APBA1: variants seen among roughly 807,000 people sequenced by gnomAD.
The protein encoded by APBA1 is amyloid beta precursor protein binding family A member 1.
A neutral mutation model predicts 86.6 loss-of-function variants in APBA1; 55 were observed. That is an observed-to-expected ratio of 0.64 (90% CI 0.51 to 0.80). The LOEUF is 0.80. Ranked by LOEUF, APBA1 falls within the 30% of genes least tolerant of loss-of-function variation. The pLI is 0.00. For synonymous variants in APBA1, 511 were observed against 493.9 expected, an observed-to-expected ratio of 1.03 and a Z score of -0.46; for missense variants, 1,090 against 1,183.0, an observed-to-expected ratio of 0.92 and a Z score of 1.15.
Position 69,651,563 on chromosome 9 carries a change from C to T in APBA1, c.-70+20590G>A, listed in dbSNP as rs1588412763. 2.0e-5 allele frequency among the ~76,000 whole-genome samples: 3 copies of T among 152,200 alleles called. No homozygotes were observed. In the South Asian group the frequency reaches 6.2e-4, roughly 32 times the overall value. On this transcript the variant is annotated intron_variant, in intron 1 of 12. Transcript: ENST00000265381. ...TGATCTAGGCTCACTGCAACCTCCG[C>T]CTCCTGGGTTCAAGCGATTCTCCTG...
intron 1 of APBA1, among the ~76,000 whole-genome samples, chr9:69,586,498 T>C (rs1414260456): frequency 2.0e-5 from 3 of 152,176 alleles, no homozygotes; most frequent in South Asian, 2.1e-4. Context: ...TGAGCTGAAA[T>C]CATGATAACC....
At chr9:69,576,088 C>T (rs541438708) in intron 1 of APBA1, among the ~76,000 whole-genome samples, 1 of 152,224 alleles carries the variant, frequency 6.6e-6, no homozygotes, top group African/African-American at 2.4e-5. Flanking sequence ...ATTTATGCAG[C>T]CAAAAGACAC....
intron 1 of APBA1, among the ~76,000 whole-genome samples, chr9:69,556,863 T>TCATTTC (rs1836868719): frequency 6.6e-6 from 1 of 152,102 alleles, no homozygotes; most frequent in African/African-American, 2.4e-5. Flanking sequence ...GGACTCATAG[T>TCATTTC]AATAATGGAG....
At chr9:69,493,733 C>T (rs1835750908) in intron 2 of APBA1, among the ~76,000 whole-genome samples, 1 of 152,032 alleles carries the variant, frequency 6.6e-6, no homozygotes, top group African/African-American at 2.4e-5. Context: ...TGCATAGACA[C>T]CCATTTTGTA....
intron 1 of APBA1, among the ~76,000 whole-genome samples, chr9:69,562,387 T>G (rs923842413): frequency 4.6e-5 from 7 of 151,908 alleles, no homozygotes; most frequent in African/African-American, 1.7e-4. Context: ...TTTCTTTTTT[T>G]TTTTTGACAT....
At chr9:69,633,514 G>A (rs1444780229) in intron 1 of APBA1, among the ~76,000 whole-genome samples, 4 of 152,148 alleles carry the variant, frequency 2.6e-5, no homozygotes, top group Non-Finnish European at 4.4e-5. Context: ...GGCAAAGTGA[G>A]GGACTCTAAT....
chr9:69,595,988 C>G (rs184937933), intron 1 of APBA1, among the ~76,000 whole-genome samples: 2 of 151,060 alleles, frequency 1.3e-5, no homozygotes, highest in Non-Finnish European at 3.0e-5. Flanking sequence ...TTTTTTGCAT[C>G]CCCCCCACCC....
At chr9:69,465,977 G>C (rs1045933441) in intron 5 of APBA1, among the ~76,000 whole-genome samples, 1 of 152,160 alleles carries the variant, frequency 6.6e-6, no homozygotes, top group African/African-American at 2.4e-5. Flanking sequence ...CACTAGGTCT[G>C]GCCTAGCAGG....
At chr9:69,575,983 T>C (rs963791471) in intron 1 of APBA1, among the ~76,000 whole-genome samples, 2 of 152,042 alleles carry the variant, frequency 1.3e-5, no homozygotes, top group Non-Finnish European at 2.9e-5. Flanking sequence ...ATATCCAGAA[T>C]CTACAATGAA....
At chr9:69,488,881 T>A (rs9918983) in intron 2 of APBA1, among the ~76,000 whole-genome samples, 1 of 151,856 alleles carries the variant, frequency 6.6e-6, no homozygotes, top group East Asian at 1.9e-4. Context: ...CCATTCACAA[T>A]TGCTTCAAAG....
intron 1 of APBA1, among the ~76,000 whole-genome samples, chr9:69,636,627 C>A (rs1271559113): frequency 6.6e-6 from 1 of 151,674 alleles, no homozygotes; most frequent in Non-Finnish European, 1.5e-5. Flanking sequence ...GAAACCCCAT[C>A]TCTACAAAAA....
At chr9:69,625,369 T>C (rs1822907501) in intron 1 of APBA1, among the ~76,000 whole-genome samples, 2 of 152,322 alleles carry the variant, frequency 1.3e-5, no homozygotes, top group Middle Eastern at 3.4e-3. Context: ...CTGCAGCTGA[T>C]AGTTTTATTG....
chr9:69,491,615 AAAAG>A (rs967975677), intron 2 of APBA1, among the ~76,000 whole-genome samples: 5 of 151,858 alleles, frequency 3.3e-5, no homozygotes, highest in Non-Finnish European at 7.4e-5. Flanking sequence ...TAAAAAAAAA[AAAAG>A]AAAATCAATC....
intron 1 of APBA1, among the ~76,000 whole-genome samples, chr9:69,540,193 A>C (rs1290888357): frequency 6.6e-6 from 1 of 152,026 alleles, no homozygotes; most frequent in Non-Finnish European, 1.5e-5. Context: ...CTGACAACTT[A>C]TCTAAAATAG....
At chr9:69,597,427 G>A (rs1194920303) in intron 1 of APBA1, among the ~76,000 whole-genome samples, 1 of 152,038 alleles carries the variant, frequency 6.6e-6, no homozygotes, top group Non-Finnish European at 1.5e-5. Context: ...TTGTCAGATG[G>A]GTAGGTTGCG....
chr9:69,524,582 CA>C (rs34042173), intron 1 of APBA1, among the ~76,000 whole-genome samples: 3 of 144,318 alleles, frequency 2.1e-5, no homozygotes, highest in Non-Finnish European at 3.1e-5. Flanking sequence ...ATCAGTAATA[CA>C]AAAAAAAACA....
intron 1 of APBA1, among the ~76,000 whole-genome samples, chr9:69,596,441 C>G (rs541494397): frequency 6.6e-6 from 1 of 152,130 alleles, no homozygotes; most frequent in South Asian, 2.1e-4. Flanking sequence ...AAGACACAGG[C>G]TCATGGCGAA....
chr9:69,510,780 T>C (rs1163534700), intron 2 of APBA1, among the ~76,000 whole-genome samples: 1 of 146,452 alleles, frequency 6.8e-6, no homozygotes, highest in Non-Finnish European at 1.5e-5. Flanking sequence ...TATCTACAAC[T>C]ATCTGATCTT....
intron 1 of APBA1, among the ~76,000 whole-genome samples, chr9:69,654,673 A>G (rs1194414577): frequency 6.6e-6 from 1 of 152,236 alleles, no homozygotes; most frequent in Admixed American, 6.5e-5. Flanking sequence ...CAAAACATTG[A>G]AGAGAAGGGA....
Sources: gnomAD v4.1 joint callset for allele counts (sites outside exome capture counted in the v4.1 genomes callset) on GRCh38, gnomAD v4.1.1 for gene constraint, MANE v1.5 for transcripts, NCBI Gene and HGNC (gene_info 2026-07-23, HGNC 2026-07-21) for gene names.